PRH1: variants seen among roughly 807,000 people sequenced by gnomAD.
PRH1 encodes the protein proline rich protein HaeIII subfamily 1.
PRH1 carries 7 observed loss-of-function variants against 7.9 expected under a neutral mutation model. The observed-to-expected ratio is 0.89, with a 90% CI of 0.50 to 1.67. The LOEUF (loss-of-function observed/expected upper bound fraction) is 1.67. PRH1 is among the 40% of genes most tolerant of loss of function. The pLI, the probability that PRH1 is intolerant of heterozygous loss-of-function variation, is 0.00. For missense variants in PRH1, 109 were observed against 223.6 expected (o/e 0.49, Z 3.27); for synonymous variants, 45 against 80.8 (o/e 0.56, Z 2.38).
At position 11,082,131 on chromosome 12, in the gene PRH1, T is replaced by C. The variant is rs956008319; in HGVS notation, n.124-34943A>G. Among the ~76,000 whole-genome samples, 2 of 114,258 alleles carry C rather than the reference T, an allele frequency of 1.8e-5. 1 individual carries two copies. The allele number at this position is 114,258 out of a possible 152,430, so 75.0% of individuals were successfully genotyped here. Reference sequence around the variant, plus strand: ...TTATGCAGACATTAACCAAATTATGTATGTAAATATTTCAAAAATAAATCA... The same window carrying C: ...TTATGCAGACATTAACCAAATTATGCATGTAAATATTTCAAAAATAAATCA... On this transcript the variant is annotated intron_variant and non_coding_transcript_variant, in intron 1 of 4. Transcript: ENST00000541977.
chr12:10,883,315 CCT>C (rs917884095), intron 1 of PRH1, among the ~76,000 whole-genome samples: 153 of 152,184 alleles, frequency 1.0e-3, no homozygotes, highest in African/African-American at 3.4e-3. Context: ...TAGAAGGGCC[CCT>C]GTTTGTCCTC....
chr12:11,163,442 G>GTT (rs138003807), intron 1 of PRH1, among the ~76,000 whole-genome samples: 4 of 152,190 alleles, frequency 2.6e-5, no homozygotes, highest in African/African-American at 9.6e-5. Context: ...CTACAACATA[G>GTT]TTTTTTTATC....
At chr12:10,963,621 G>T (rs113616463) in intron 2 of PRH1, among the ~76,000 whole-genome samples, 1 of 152,116 alleles carries the variant, frequency 6.6e-6, no homozygotes, top group Non-Finnish European at 1.5e-5. Flanking sequence ...TCAAAAACTG[G>T]AAGAAATGAC....
intron 1 of PRH1, chr12:10,986,181 G>A (rs960904040): frequency 8.1e-6 from 13 of 1,614,086 alleles, no homozygotes; most frequent in Non-Finnish European, 1.1e-5. Flanking sequence ...AGTTTGCAAA[G>A]CTTTTATGTG....
intron 2 of PRH1, chr12:10,909,329 T>C: frequency 1.3e-6 from 2 of 1,482,146 alleles, no homozygotes; most frequent in Non-Finnish European, 9.4e-7. Context: ...ATGTCTAATG[T>C]CACTGCTGGT....
chr12:11,093,082 A>G (rs1262415098), intron 1 of PRH1, among the ~76,000 whole-genome samples: 1 of 115,622 alleles, frequency 8.6e-6, no homozygotes, highest in African/African-American at 2.9e-5. Flanking sequence ...AGTGTTTGCA[A>G]TTTTTCCTTG....
intron 2 of PRH1, among the ~76,000 whole-genome samples, chr12:10,958,704 G>C (rs1168646002): frequency 6.6e-6 from 1 of 152,260 alleles, no homozygotes; most frequent in East Asian, 1.9e-4. Context: ...AAGAAGAAGG[G>C]ACACAAGTAT....
chr12:11,060,596 G>A (rs1943551955), intron 1 of PRH1, among the ~76,000 whole-genome samples: 1 of 152,050 alleles, frequency 6.6e-6, no homozygotes, highest in Admixed American at 6.6e-5. Context: ...TATGGAAACT[G>A]ATAATAGCAA....
At chr12:10,947,323 A>G (rs1456520958) in intron 2 of PRH1, among the ~76,000 whole-genome samples, 3 of 152,154 alleles carry the variant, frequency 2.0e-5, no homozygotes, top group Non-Finnish European at 4.4e-5. Flanking sequence ...TTGGGTGCAT[A>G]TCTATTTGGG....
chr12:11,056,386 T>A lies in PRH1; in HGVS notation n.124-9198A>T, dbSNP rs1350816014. Among the ~76,000 whole-genome samples the A allele has an allele frequency of 3.3e-5, 5 of 151,524 alleles. No individual in the cohort carries two copies. The East Asian group carries it at 9.7e-4, about 29-fold the overall frequency. On this transcript the variant is annotated intron_variant and non_coding_transcript_variant, in intron 1 of 4. Transcript: ENST00000541977. ...ATCAGTCTCCAATCTTGGATTTTTA[T>A]TTCCTTTCAGTTTTTACAGTATGAT... is the stretch of plus-strand genomic sequence containing the variant.
At chr12:11,070,922 G>C (rs2136206322) in intron 1 of PRH1, among the ~76,000 whole-genome samples, 1 of 152,156 alleles carries the variant, frequency 6.6e-6, no homozygotes, top group East Asian at 1.9e-4. Flanking sequence ...CTACAGCCTT[G>C]AATTCCAGGG....
At chr12:10,962,833 G>C (rs11054085) in intron 2 of PRH1, among the ~76,000 whole-genome samples, 36,897 of 152,016 alleles carry the variant, frequency 0.24, 4,496 homozygotes, top group Non-Finnish European at 0.25. Flanking sequence ...GCAGTGGCGC[G>C]ATCTCGGCTC....
At chr12:11,129,315 T>TGTAATG in intron 1 of PRH1, among the ~76,000 whole-genome samples, 1 of 145,354 alleles carries the variant, frequency 6.9e-6, no homozygotes, top group Non-Finnish European at 1.5e-5. Flanking sequence ...CTTCCTGAAT[T>TGTAATG]GAAATGGATA....
At chr12:11,014,755 C>G (rs1181018475) in intron 1 of PRH1, among the ~76,000 whole-genome samples, 3 of 152,118 alleles carry the variant, frequency 2.0e-5, no homozygotes, top group Non-Finnish European at 2.9e-5. Flanking sequence ...TCTCAAAGAC[C>G]TGTAGCCATT....
chr12:11,029,322 G>A (rs551932863), intron 1 of PRH1, among the ~76,000 whole-genome samples: 10 of 152,326 alleles, frequency 6.6e-5, no homozygotes. Flanking sequence ...AAATTACAAC[G>A]TTAAGGCTCA....
chr12:10,939,400 T>C (rs1222440053), intron 2 of PRH1: 2 of 492,158 alleles, frequency 4.1e-6, no homozygotes, highest in Non-Finnish European at 7.0e-6. Context: ...AATCTCTGTA[T>C]TTCCCCAGAC....
chr12:11,033,713 A>G (rs1942321022), intron 1 of PRH1, among the ~76,000 whole-genome samples: 1 of 152,236 alleles, frequency 6.6e-6, no homozygotes. Flanking sequence ...CAACTATCTT[A>G]GAGTTGTATA....
At chr12:10,962,781 G>T (rs913886303) in intron 2 of PRH1, among the ~76,000 whole-genome samples, 3 of 152,188 alleles carry the variant, frequency 2.0e-5, no homozygotes, top group Non-Finnish European at 2.9e-5. Flanking sequence ...TGTTGTTGTT[G>T]TTTTTTGAGA....
chr12:10,937,510 GAGTC>G (rs1405335627), intron 2 of PRH1: 2 of 152,036 alleles, frequency 1.3e-5, no homozygotes, highest in African/African-American at 4.8e-5. Flanking sequence ...CTCAAAGCTA[GAGTC>G]AGTATTACGT....
Sources: gnomAD v4.1 joint callset for allele counts (sites outside exome capture counted in the v4.1 genomes callset) on GRCh38, gnomAD v4.1.1 for gene constraint, MANE v1.5 for transcripts, NCBI Gene and HGNC (gene_info 2026-07-23, HGNC 2026-07-21) for gene names.